The following LRBA variants were observed in gnomAD, a reference collection of about 807,000 sequenced individuals.
LRBA encodes the protein lipopolysaccharide-responsive and beige-like anchor protein.
LRBA carries 176 observed loss-of-function variants against 330.0 expected under a neutral mutation model. That is an observed-to-expected ratio of 0.53 (90% CI 0.47 to 0.60). The LOEUF is 0.60. Ranked by LOEUF, LRBA falls within the 20% of genes least tolerant of loss-of-function variation. LRBA has a pLI of 0.00. For synonymous variants in LRBA, 1,230 were observed against 1,193.0 expected (o/e 1.03, Z -0.64); for missense variants, 3,259 against 3,444.8 (o/e 0.95, Z 1.35).
intron 2 of LRBA, among the ~76,000 whole-genome samples, chr4:150,981,113 TA>T (rs753664464): frequency 1.7e-3 from 233 of 140,380 alleles, no homozygotes; most frequent in African/African-American, 2.0e-3. Context: ...TCAGAGAAAT[TA>T]AAAAAAAAAA....
intron 2 of LRBA, among the ~76,000 whole-genome samples, chr4:150,968,290 A>C (rs1739137033): frequency 6.6e-6 from 1 of 152,174 alleles, no homozygotes; most frequent in Admixed American, 6.5e-5. Context: ...GGCATGAGCC[A>C]CTGTGCCCGG....
chr4:150,836,957 C>A (rs1371786107), intron 28 of LRBA, among the ~76,000 whole-genome samples: 1 of 152,144 alleles, frequency 6.6e-6, no homozygotes, highest in African/African-American at 2.4e-5. Context: ...CCTCTACACA[C>A]TGCTTTAAAT....
chr4:150,273,532 G>A (rs1746399614), intron 56 of LRBA, among the ~76,000 whole-genome samples: 1 of 152,036 alleles, frequency 6.6e-6, no homozygotes. Flanking sequence ...TGGATAAAGA[G>A]TCAAGACCCA....
chr4:150,592,144 GTT>G (rs10685627), intron 38 of LRBA, among the ~76,000 whole-genome samples: 40 of 65,184 alleles, frequency 6.1e-4, no homozygotes, highest in Middle Eastern at 0.019. Context: ...GATGGCTAGG[GTT>G]TTTTTTTTTT....
At chr4:150,704,168 C>A (rs564703632) in intron 36 of LRBA, among the ~76,000 whole-genome samples, 1 of 152,182 alleles carries the variant, frequency 6.6e-6, no homozygotes, top group African/African-American at 2.4e-5. Context: ...GCACCATGAT[C>A]CCACCACTGG....
intron 36 of LRBA, among the ~76,000 whole-genome samples, chr4:150,722,172 A>G (rs1358873064): frequency 1.3e-5 from 2 of 152,186 alleles, no homozygotes; most frequent in African/African-American, 4.8e-5. Flanking sequence ...TTGGAAAAAA[A>G]AATAATTTGA....
rs898949569 is a variant in LRBA, at chr4:150,765,486, G to A, written c.5581-3639C>T. Reference sequence around the variant, plus strand: ...TCTCGTGAAGAATGCTGACAAGAGAGAAGGCTATGAGTGTGTAGGGGAAAG... The same window carrying A: ...TCTCGTGAAGAATGCTGACAAGAGAAAAGGCTATGAGTGTGTAGGGGAAAG... On this transcript the variant is annotated intron_variant, in intron 34 of 56. Coordinates refer to ENST00000651943, the MANE Select transcript of LRBA (RefSeq NM_001364905.1). Among the ~76,000 whole-genome samples, 3 of 152,180 alleles carry A rather than the reference G, an allele frequency of 2.0e-5. No individual in the cohort carries two copies. In the East Asian group the frequency reaches 5.8e-4, roughly 29 times the overall value.
At chr4:150,601,701 T>G (rs1466862681) in intron 37 of LRBA, among the ~76,000 whole-genome samples, 1 of 152,120 alleles carries the variant, frequency 6.6e-6, no homozygotes, top group Non-Finnish European at 1.5e-5. Context: ...TCAATTTTTT[T>G]TTCTTTTTGA....
intron 37 of LRBA, among the ~76,000 whole-genome samples, chr4:150,606,811 G>A (rs11099769): frequency 0.71 from 107,928 of 152,196 alleles, 45,062 homozygotes; most frequent in Non-Finnish European, 0.91. Context: ...CTGCCTGGGA[G>A]GACTCAGGAT....
chr4:150,803,406 G>C (rs1260489607), intron 33 of LRBA, among the ~76,000 whole-genome samples: 3 of 151,868 alleles, frequency 2.0e-5, no homozygotes, highest in Admixed American at 2.0e-4. Context: ...TGGATAGCTG[G>C]TAATAAGTTC....
chr4:150,966,849 A>C (rs986806132), intron 2 of LRBA, among the ~76,000 whole-genome samples: 6 of 152,198 alleles, frequency 3.9e-5, no homozygotes, highest in Non-Finnish European at 8.8e-5. Context: ...AGTTCAAAAA[A>C]TAGGGCTGAA....
intron 41 of LRBA, among the ~76,000 whole-genome samples, chr4:150,488,983 A>T (rs1313793374): frequency 1.6e-5 from 2 of 125,750 alleles, no homozygotes; most frequent in East Asian, 4.6e-4. Flanking sequence ...AGAATATATA[A>T]CATATAATAT....
intron 47 of LRBA, among the ~76,000 whole-genome samples, chr4:150,355,703 TTG>T (rs1162877392): frequency 6.6e-6 from 1 of 152,048 alleles, no homozygotes; most frequent in East Asian, 1.9e-4. Flanking sequence ...CCCTCCTGAC[TTG>T]AAATACATTT....
intron 37 of LRBA, among the ~76,000 whole-genome samples, chr4:150,625,998 A>T (rs78679085): frequency 6.9e-6 from 1 of 145,922 alleles, no homozygotes; most frequent in African/African-American, 2.5e-5. Context: ...GGCCGGATAT[A>T]TTTTTTTTTT....
chr4:150,684,667 T>C (rs897686711), intron 36 of LRBA, among the ~76,000 whole-genome samples: 2 of 152,206 alleles, frequency 1.3e-5, no homozygotes, highest in Admixed American at 6.5e-5. Context: ...AGTTAAGGCA[T>C]TGTTTAAAAT....
intron 34 of LRBA, among the ~76,000 whole-genome samples, chr4:150,767,475 C>T (rs916432502): frequency 6.6e-6 from 1 of 152,036 alleles, no homozygotes; most frequent in Non-Finnish European, 1.5e-5. Context: ...TTTAACATAA[C>T]TTTTAGTATT....
chr4:150,416,426 G>A (rs995287047), intron 46 of LRBA, among the ~76,000 whole-genome samples: 1 of 152,086 alleles, frequency 6.6e-6, no homozygotes, highest in Admixed American at 6.5e-5. Context: ...AGGTCAGTAT[G>A]AACTTGCCAG....
intron 50 of LRBA, among the ~76,000 whole-genome samples, chr4:150,317,546 G>C (rs1276375851): frequency 2.6e-5 from 4 of 152,080 alleles, no homozygotes; most frequent in African/African-American, 9.7e-5. Context: ...GTCTCTGCTG[G>C]CAAAGAAATC....
chr4:151,012,937 G>A (rs1199097552), intron 2 of LRBA: 1 of 147,772 alleles, frequency 6.8e-6, no homozygotes, highest in Non-Finnish European at 1.5e-5. Flanking sequence ...TAATTTTTTT[G>A]TATTTTTAGT....
Sources: gnomAD v4.1 joint callset for allele counts (sites outside exome capture counted in the v4.1 genomes callset) on GRCh38, gnomAD v4.1.1 for gene constraint, MANE v1.5 for transcripts, NCBI Gene and HGNC (gene_info 2026-07-23, HGNC 2026-07-21) for gene names.